Variants in CELSR2 observed in about 807,000 individuals in gnomAD.
CELSR2 encodes cadherin EGF LAG seven-pass G-type receptor 2, also known as EGF-like protein 2.
A neutral mutation model predicts 251.6 loss-of-function variants in CELSR2; 81 were observed. That is an observed-to-expected ratio of 0.32 (90% CI 0.27 to 0.39). The LOEUF (loss-of-function observed/expected upper bound fraction) is 0.39, where lower values mean the gene tolerates loss of function less well. CELSR2 is among the 10% of genes least tolerant of loss of function. CELSR2 has a pLI of 1.00. For synonymous variants in CELSR2, 1,721 were observed against 1,670.5 expected (o/e 1.03, Z -0.74); for missense variants, 3,365 against 3,947.7 (o/e 0.85, Z 3.96).
chr1:109,271,105 G>T, intron 25 of CELSR2, 66 bp downstream of exon 25: 1 of 1,506,202 alleles, frequency 6.6e-7, no homozygotes, highest in Non-Finnish European at 9.2e-7. Context: ...TGCTGCTGGG[G>T]CCGCGTGTCC....
chr1:109,251,606 T>C lies in CELSR2; in HGVS notation c.1527T>C (p.Pro509=). ...ATGCCCCCATCTTCGTCAGCACCCC[T>C]TTCCAGGCTACTGTCCTGGAGAGTG... is the stretch of plus-strand genomic sequence containing the variant. The part of the protein sequence containing the change: ...NDNAPIFVST[P]FQATVLESVP... The change falls in exon 1 of 34, where the codon CCT becomes CCC. Residue 509 remains proline (P), a synonymous_variant. Transcript: ENST00000271332. This position sits in a 1 kb window ranked among gnomAD's most constrained non-coding sequence, Gnocchi z 4.9. 1 of 1,613,870 alleles carries C rather than the reference T, an allele frequency of 6.2e-7. No homozygotes were observed. Among genetic ancestry groups the C allele is most frequent in the South Asian group, 1.1e-5 (1 of 91,070 alleles).
chr1:109,258,695 G>C lies in CELSR2; in HGVS notation c.3574G>C (p.Gly1192Arg). Reference sequence around the variant, plus strand: ...GAGCCTGTCGGTGGGCCAGCCGCCAGGGCCCGGGGGCGGGCCGCCCTTCCT... The same window carrying C: ...GAGCCTGTCGGTGGGCCAGCCGCCACGGCCCGGGGGCGGGCCGCCCTTCCT... ...NVSLSVGQPP[G>R]PGGGPPFLPS... The change falls in exon 2 of 34, where the codon GGG (glycine) becomes CGG (arginine). Residue 1192 changes from glycine (G) to arginine (R), a missense_variant. Around this residue, in one of 5 missense-constraint regions of CELSR2, gnomAD observed 2,093 missense variants for 2,382.8 expected, o/e 0.88. Coordinates refer to ENST00000271332, the MANE Select transcript of CELSR2 (RefSeq NM_001408.3). The C allele has an allele frequency of 6.5e-7, 1 of 1,548,512 alleles. No homozygotes were observed. Among genetic ancestry groups the C allele is most frequent in the Non-Finnish European group, 8.7e-7 (1 of 1,145,720 alleles).
At chr1:109,262,729 T>C (rs889139105) in intron 6 of CELSR2, 77 bp from the exon 7 acceptor site, 20 of 1,572,128 alleles carry the variant, frequency 1.3e-5, no homozygotes, top group Non-Finnish European at 1.5e-5. Flanking sequence ...TTCGTGTCTC[T>C]GGCCTGGCGG....
chr1:109,268,682 C>G lies in CELSR2; in HGVS notation c.6420C>G (p.His2140Gln), dbSNP rs1464387364. 5 of 1,614,114 alleles carry G rather than the reference C, an allele frequency of 3.1e-6. No individual in the cohort carries two copies. The South Asian group carries it at 5.5e-5, about 18-fold the overall frequency. ...GTGGCACCGCCTGGCTGCTCCAGCA[C>G]TATGAGGCCTACGCCAGTGCCCTGG... Reference protein sequence around the residue: ...TEGGTAWLLQHYEAYASALAQ... With the variant: ...TEGGTAWLLQQYEAYASALAQ... Residue 2140 changes from histidine (H) to glutamine (Q), a missense_variant, in exon 18 of 34, where the codon CAC becomes CAG. Transcript: ENST00000271332.
At chr1:109,257,483 T>G (rs2101244139) in intron 1 of CELSR2, among the ~76,000 whole-genome samples, 1 of 152,302 alleles carries the variant, frequency 6.6e-6, no homozygotes, top group South Asian at 2.1e-4. Flanking sequence ...TGTATGGTAT[T>G]TCTGGGCTTA....
rs1222274645 is a variant in CELSR2 at position 109,263,660 on chromosome 1, T to TG, written c.4886dup (p.Leu1630ProfsTer67). On this transcript the variant is annotated frameshift_variant, in exon 9 of 34. Transcript: ENST00000271332. LOFTEE classifies it high-confidence loss of function. Reference sequence around the variant, plus strand: ...TGGGCAGCAGCCTGGTGGCCTGGCATGGCCTCTCGCTGCCCATCTCCCAAC... The same window carrying TG: ...TGGGCAGCAGCCTGGTGGCCTGGCATGGGCCTCTCGCTGCCCATCTCCCAAC... 6.2e-7 allele frequency: 1 copy of TG among 1,613,908 alleles called. No homozygotes were observed. The highest frequency in any genetic ancestry group is 8.5e-7 in the Non-Finnish European group (1 of 1,179,990).
chr1:109,267,467 C>A, intron 15 of CELSR2, 81 bp from the exon 16 acceptor site: 1 of 1,318,666 alleles, frequency 7.6e-7, no homozygotes, highest in Non-Finnish European at 1.1e-6. Flanking sequence ...AGGTGCTGGC[C>A]TCCAGCAGAA....
Position 109,258,987 on chromosome 1 carries a change from T to G in CELSR2, c.3866T>G (p.Val1289Gly), listed in dbSNP as rs1321489629. The change falls in exon 2 of 34, where the codon GTG becomes GGG. Residue 1289 changes from valine (V) to glycine (G), a missense_variant. Around this residue, in one of 5 missense-constraint regions of CELSR2, gnomAD observed 2,093 missense variants for 2,382.8 expected, o/e 0.88. Coordinates refer to ENST00000271332, the MANE Select transcript of CELSR2 (RefSeq NM_001408.3). ...GFTGDYCETEVDLCYSRPCGP... is the reference protein window; with the variant it reads ...GFTGDYCETEGDLCYSRPCGP... ...ACGGGTGACTACTGCGAGACCGAGG[T>G]GGACCTCTGCTACTCGCGGCCCTGT... The G allele has an allele frequency of 6.2e-7, 1 of 1,608,462 alleles. No individual in the cohort carries two copies. The highest frequency in any genetic ancestry group is 1.3e-5 in the African/African-American group (1 of 74,898).
intron 15 of CELSR2, among the ~76,000 whole-genome samples, chr1:109,266,788 C>T (rs1427998863): frequency 2.0e-5 from 3 of 149,106 alleles, no homozygotes; most frequent in Non-Finnish European, 3.0e-5. Context: ...GGCATGATCT[C>T]GGCTCTCTGC....
chr1:109,262,024 G>A (rs4970833), intron 5 of CELSR2, 128 bp downstream of exon 5: 477,280 of 1,102,024 alleles, frequency 0.43, 108,268 homozygotes, highest in Middle Eastern at 0.51. Flanking sequence ...GGAAGGGAGC[G>A]GCTGGGAAGG....
Position 109,268,604 on chromosome 1 carries a change from C to T in CELSR2, c.6342C>T (p.Ala2114=), listed in dbSNP as rs1240258579. The T allele has an allele frequency of 6.2e-7, 1 of 1,612,304 alleles. No individual in the cohort carries two copies. The highest frequency in any genetic ancestry group is 8.5e-7 in the Non-Finnish European group (1 of 1,179,118). ...FTENLLRVGS[A]LLDTANKRHW... ...AGAATCTGCTGCGGGTGGGCAGCGC[C>T]CTCCTGGACACAGCCAACAAGCGGC... The change falls in exon 18 of 34, where the codon GCC becomes GCT. Residue 2114 remains alanine, a synonymous_variant. Coordinates refer to ENST00000271332, the MANE Select transcript of CELSR2 (RefSeq NM_001408.3).
At chr1:109,266,736 T>G (rs1257334133) in intron 15 of CELSR2, among the ~76,000 whole-genome samples, 1 of 146,834 alleles carries the variant, frequency 6.8e-6, no homozygotes, top group Non-Finnish European at 1.5e-5. Flanking sequence ...TTTTTTTTTT[T>G]TTGAGACGGA....
intron 1 of CELSR2, among the ~76,000 whole-genome samples, chr1:109,257,040 A>G (rs140425486): frequency 2.1e-3 from 326 of 152,340 alleles, no homozygotes; most frequent in Non-Finnish European, 2.6e-3. Flanking sequence ...CTGAACACCT[A>G]CTATGTGTAA....
rs765065586 is a variant in CELSR2, at chr1:109,273,522, C to T, written c.8596C>T (p.Arg2866Trp). ...LPLEQCTGSS[R>W]GSSASEGSRG... ...CCTGGAGCAATGCACAGGGTCTTCCCGGGGCTCCTCCGCTAGTGAGGGCAG... is the reference window on the plus strand; with the variant it reads ...CCTGGAGCAATGCACAGGGTCTTCCTGGGGCTCCTCCGCTAGTGAGGGCAG... The change falls in exon 33 of 34, where the codon CGG (arginine) becomes TGG (tryptophan). Residue 2866 changes from arginine to tryptophan, a missense_variant. Arg to Trp is a moderately radical substitution (Grantham distance 101, BLOSUM62 -3). Transcript: ENST00000271332. 1.4e-4 allele frequency: 219 copies of T among 1,602,324 alleles called. 1 individual carries two copies. In the East Asian group the frequency reaches 4.7e-3, roughly 34 times the overall value.
chr1:109,272,170 A>G, intron 28 of CELSR2, 108 bp from the exon 29 acceptor site: 2 of 1,381,584 alleles, frequency 1.4e-6, no homozygotes, highest in Non-Finnish European at 2.0e-6. Context: ...TTCAGACCTG[A>G]GCATGTGGAA....
At chr1:109,256,703 G>A (rs1354153590) in intron 1 of CELSR2, among the ~76,000 whole-genome samples, 4 of 152,060 alleles carry the variant, frequency 2.6e-5, no homozygotes, top group African/African-American at 9.7e-5. Flanking sequence ...GTACAATGGC[G>A]CGATCTCGGC....
chr1:109,261,459 C>A lies in CELSR2; in HGVS notation c.4182-54C>A. On this transcript the variant is annotated intron_variant, in intron 3 of 33. Coordinates refer to ENST00000271332, the MANE Select transcript of CELSR2 (RefSeq NM_001408.3). The surrounding 1 kb of genome is among the most constrained non-coding windows in gnomAD (Gnocchi z 4.8). ...CTGCGCTGGTTAGGTGGCGGGGGTG[C>A]TGGCATCCAGGTGGGTACCCCATTC... The A allele has an allele frequency of 6.5e-7, 1 of 1,543,756 alleles. No individual in the cohort carries two copies. The highest frequency in any genetic ancestry group is 9.0e-7 in the Non-Finnish European group (1 of 1,116,208).
rs1161953749 is a variant in CELSR2 at position 109,269,315 on chromosome 1, G to A, written c.6812+25G>A. ...GGTCAGCAGCTAGGGGACAGGTGTG[G>A]GTAGGGGTATGGGTCGGGCGGTGAG... On this transcript the variant is annotated intron_variant, in intron 20 of 33. Coordinates refer to ENST00000271332, the MANE Select transcript of CELSR2 (RefSeq NM_001408.3). This position sits in a 1 kb window ranked among gnomAD's most constrained non-coding sequence, Gnocchi z 6.4. 2.5e-6 allele frequency: 4 copies of A among 1,612,566 alleles called. No homozygotes were observed. Among genetic ancestry groups the A allele is most frequent in the Non-Finnish European group, 3.4e-6 (4 of 1,179,784 alleles).
In CELSR2 at chr1:109,270,068, C is replaced by T. The variant is rs142286315; in HGVS notation, c.7243C>T (p.Leu2415=). The change falls in exon 23 of 34, where the codon CTG becomes TTG. Residue 2415 remains leucine (L), a synonymous_variant. Coordinates refer to ENST00000271332, the MANE Select transcript of CELSR2 (RefSeq NM_001408.3). ...RSNQHGIRRN[L]TAALGLAQLV... Reference sequence around the variant, plus strand: ...CAACCAACACGGCATCCGACGTAACCTGACAGCTGCCCTGGGCCTGGCTCA... The same window carrying T: ...CAACCAACACGGCATCCGACGTAACTTGACAGCTGCCCTGGGCCTGGCTCA... 87 of 1,614,190 alleles carry T rather than the reference C, an allele frequency of 5.4e-5. No individual in the cohort carries two copies. In the African/African-American group the frequency reaches 8.9e-4, roughly 17 times the overall value.
Sources: allele counts gnomAD v4.1 joint callset (sites outside exome capture counted in the v4.1 genomes callset), GRCh38; gene constraint gnomAD v4.1.1; regional missense constraint gnomAD v4.1.1; non-coding constraint Gnocchi (gnomAD v3.1); transcripts MANE v1.5; gene names NCBI Gene and HGNC (gene_info 2026-07-23, HGNC 2026-07-21).